SIDT1: variants seen among roughly 807,000 people sequenced by gnomAD.
SIDT1 encodes the protein SID1 transmembrane family, member 1.
A neutral mutation model predicts 107.5 loss-of-function variants in SIDT1; 101 were observed. The ratio of observed to expected loss-of-function variants is 0.94; its 90% CI spans 0.80 to 1.11. SIDT1 has a LOEUF of 1.11. Ranked by LOEUF, SIDT1 falls within the 50% of genes least tolerant of loss-of-function variation. The pLI, the probability that SIDT1 is intolerant of heterozygous loss-of-function variation, is 0.00. For missense variants in SIDT1, 1,076 were observed against 1,058.2 expected (o/e 1.02, Z -0.23); for synonymous variants, 395 against 398.2 (o/e 0.99, Z 0.10).
chr3:113,541,826 A>G (rs1043575803), intron 1 of SIDT1, among the ~76,000 whole-genome samples: 1 of 150,906 alleles, frequency 6.6e-6, no homozygotes, highest in South Asian at 2.1e-4. Context: ...TCCTTCCCTT[A>G]TAAGTAACTT....
rs552138804 is a variant in SIDT1 at position 113,621,359 on chromosome 3, C to T, written c.2090+1633C>T. Reference sequence around the variant, plus strand: ...GTGGCTCACACTTAGAATCACAACACTTTGGGAGGCCGAGGCAGGAGGATT... The same window carrying T: ...GTGGCTCACACTTAGAATCACAACATTTTGGGAGGCCGAGGCAGGAGGATT... On this transcript the variant is annotated intron_variant, in intron 21 of 24. Transcript: ENST00000264852. 5.3e-5 allele frequency among the ~76,000 whole-genome samples: 8 copies of T among 151,812 alleles called. No homozygotes were observed. The South Asian group carries it at 1.5e-3, about 28-fold the overall frequency.
At chr3:113,630,402 C>G (rs1947081575), downstream of SIDT1, among the ~76,000 whole-genome samples, 1 of 152,160 alleles carries the variant, frequency 6.6e-6, no homozygotes, top group Non-Finnish European at 1.5e-5. Context: ...CAGTGGAATG[C>G]TGGACTCTAT....
At chr3:113,592,877 C>A in intron 9 of SIDT1, 128 bp from the exon 10 acceptor site, 1 of 784,750 alleles carries the variant, frequency 1.3e-6, no homozygotes, top group Non-Finnish European at 2.3e-6. Flanking sequence ...TGTGCCACCG[C>A]ACCTGGCCCC....
In SIDT1 at chr3:113,533,087, C is replaced by G; in HGVS notation, c.66C>G (p.Pro22=). Reference sequence around the variant, plus strand: ...CCTGGCTCCTGCTGGCGGCGTCGCCCGGGCACCCGGCGAAATCCCCCAGGC... The same window carrying G: ...CCTGGCTCCTGCTGGCGGCGTCGCCGGGGCACCCGGCGAAATCCCCCAGGC... ...ALPWLLLAAS[P]GHPAKSPRQP... Residue 22 remains proline, a synonymous_variant, in exon 1 of 25, where the codon CCC becomes CCG. Coordinates refer to ENST00000264852, the MANE Select transcript of SIDT1 (RefSeq NM_017699.3). 6.6e-7 allele frequency: 1 copy of G among 1,513,754 alleles called. No individual in the cohort carries two copies. Among genetic ancestry groups the G allele is most frequent in the Non-Finnish European group, 8.8e-7 (1 of 1,131,222 alleles). 93.8% of individuals were successfully genotyped at this position (1,513,754 alleles called of 1,614,324 possible).
intron 7 of SIDT1, among the ~76,000 whole-genome samples, chr3:113,584,138 A>G (rs777503186): frequency 5.3e-5 from 8 of 152,198 alleles, no homozygotes; most frequent in Admixed American, 2.6e-4. Flanking sequence ...GACCAACACA[A>G]AGTGTGTTTA....
Position 113,627,683 on chromosome 3 carries a change from G to T in SIDT1, c.2459G>T (p.Arg820Leu), listed in dbSNP as rs147948601. ...TTGGATGATGACCTTGATGTGGTTC[G>T]GAGAGACCAGATCCCTGTCTTCTGA... ...LTLDDDLDVV[R>L]RDQIPVF is the part of the protein sequence containing the mutation. Residue 820 changes from arginine (R) to leucine (L), a missense_variant, in exon 25 of 25, where the codon CGG (arginine) becomes CTG (leucine). Coordinates refer to ENST00000264852, the MANE Select transcript of SIDT1 (RefSeq NM_017699.3). 1 of 1,613,770 alleles carries T rather than the reference G, an allele frequency of 6.2e-7. No homozygotes were observed.
intron 1 of SIDT1, among the ~76,000 whole-genome samples, chr3:113,550,799 G>T (rs1208830224): frequency 6.6e-6 from 1 of 151,942 alleles, no homozygotes; most frequent in Non-Finnish European, 1.5e-5. Context: ...GTGCAGGTTT[G>T]TTGTATAGGT....
chr3:113,585,618 G>A (rs1376135647), intron 9 of SIDT1, among the ~76,000 whole-genome samples: 1 of 152,166 alleles, frequency 6.6e-6, no homozygotes, highest in African/African-American at 2.4e-5. Context: ...ACTGTAGATG[G>A]TCAGTTTATC....
chr3:113,537,690 C>A (rs1401046631), intron 1 of SIDT1, among the ~76,000 whole-genome samples: 1 of 152,254 alleles, frequency 6.6e-6, no homozygotes, highest in Non-Finnish European at 1.5e-5. Context: ...TCTGGTGAGG[C>A]CCTGCTTCCT....
intron 1 of SIDT1, among the ~76,000 whole-genome samples, chr3:113,538,603 A>G (rs1230705535): frequency 6.6e-6 from 1 of 152,276 alleles, no homozygotes; most frequent in Non-Finnish European, 1.5e-5. Flanking sequence ...AAAATTAACT[A>G]TATCTGTTTC....
At chr3:113,609,051 GC>G (rs1417462465) in intron 17 of SIDT1, among the ~76,000 whole-genome samples, 2 of 137,434 alleles carry the variant, frequency 1.5e-5, no homozygotes, top group African/African-American at 2.7e-5. Flanking sequence ...ACAGTCATGA[GC>G]CCATTCTTTT....
chr3:113,561,730 T>C (rs925196136), intron 1 of SIDT1, among the ~76,000 whole-genome samples: 1 of 152,204 alleles, frequency 6.6e-6, no homozygotes, highest in African/African-American at 2.4e-5. Flanking sequence ...ATTCTTGATC[T>C]GCCAAGTCAG....
chr3:113,549,335 CT>C (rs1179619106), intron 1 of SIDT1, among the ~76,000 whole-genome samples: 3 of 152,158 alleles, frequency 2.0e-5, no homozygotes, highest in Admixed American at 6.5e-5. Context: ...GTCAAACTGT[CT>C]TTCTTCTAAA....
At chr3:113,564,233 C>A (rs1233731912) in intron 1 of SIDT1, among the ~76,000 whole-genome samples, 3 of 152,222 alleles carry the variant, frequency 2.0e-5, no homozygotes, top group African/African-American at 7.2e-5. Context: ...AGCCGCCGTG[C>A]CTGGCCTGGT....
chr3:113,599,689 A>G (rs921393338), intron 10 of SIDT1, among the ~76,000 whole-genome samples: 11 of 152,208 alleles, frequency 7.2e-5, no homozygotes, highest in African/African-American at 2.4e-4. Context: ...TAAAAAGTAA[A>G]ATACATAGAA....
intron 13 of SIDT1, among the ~76,000 whole-genome samples, chr3:113,604,696 A>G (rs1945194544): frequency 6.6e-6 from 1 of 152,204 alleles, no homozygotes; most frequent in Non-Finnish European, 1.5e-5. Flanking sequence ...TTACTTCTTT[A>G]ATTCCCCTTT....
At chr3:113,577,940 G>T (rs1365498970) in intron 4 of SIDT1, among the ~76,000 whole-genome samples, 2 of 152,188 alleles carry the variant, frequency 1.3e-5, no homozygotes, top group East Asian at 3.9e-4. Context: ...TCACTGAACA[G>T]CTGGGAAGTG....
the SIDT1 span, among the ~76,000 whole-genome samples, chr3:113,637,071 T>C: frequency 6.6e-6 from 1 of 152,052 alleles, no homozygotes; most frequent in Non-Finnish European, 1.5e-5. Flanking sequence ...TGCCATGCCT[T>C]TTCCTCTTCT....
intron 19 of SIDT1, among the ~76,000 whole-genome samples, chr3:113,615,472 A>G (rs2107757491): frequency 6.6e-6 from 1 of 152,346 alleles, no homozygotes; most frequent in East Asian, 1.9e-4. Context: ...ATGTAACATT[A>G]TAACACACAC....
Sources: gnomAD v4.1 joint callset for allele counts (sites outside exome capture counted in the v4.1 genomes callset) on GRCh38, gnomAD v4.1.1 for gene constraint, MANE v1.5 for transcripts, NCBI Gene and HGNC (gene_info 2026-07-23, HGNC 2026-07-21) for gene names.